The following COL26A1 variants were observed in gnomAD, a reference collection of about 807,000 sequenced individuals.
The protein encoded by COL26A1 is collagen type XXVI alpha 1 chain.
In COL26A1, 41 loss-of-function variants were observed where a neutral mutation model predicts 59.3. That is an observed-to-expected ratio of 0.69 (90% CI 0.54 to 0.90). COL26A1 has a LOEUF of 0.90. Ranked by LOEUF, COL26A1 falls within the 40% of genes least tolerant of loss-of-function variation. The pLI is 0.00. For missense variants in COL26A1, 612 were observed against 602.3 expected, an observed-to-expected ratio of 1.02 and a Z score of -0.17; for synonymous variants, 266 against 256.0, an observed-to-expected ratio of 1.04 and a Z score of -0.37.
intron 3 of COL26A1, among the ~76,000 whole-genome samples, chr7:101,488,718 G>T (rs921676483): frequency 1.1e-4 from 16 of 152,064 alleles, no homozygotes; most frequent in Admixed American, 9.8e-4. Flanking sequence ...GTTAGGTACC[G>T]TCACACTGTC....
chr7:101,440,975 CAAA>C (rs71891771), intron 2 of COL26A1, among the ~76,000 whole-genome samples: 5 of 100,372 alleles, frequency 5.0e-5, no homozygotes, highest in Admixed American at 1.2e-4. Context: ...GACTCCGTCT[CAAA>C]AAAAAAAAAA....
intron 3 of COL26A1, among the ~76,000 whole-genome samples, chr7:101,465,638 G>C (rs940374594): frequency 6.8e-6 from 1 of 147,320 alleles, no homozygotes; most frequent in African/African-American, 2.5e-5. Flanking sequence ...AGGTTGAAGT[G>C]AGCCGAGATC....
At chr7:101,457,377 C>G (rs1180437417) in intron 3 of COL26A1, among the ~76,000 whole-genome samples, 1 of 152,276 alleles carries the variant, frequency 6.6e-6, no homozygotes, top group East Asian at 1.9e-4. Context: ...TTATAGAAAC[C>G]ATGTCTACAT....
At chr7:101,554,181 C>T (rs1012353781) in intron 11 of COL26A1, among the ~76,000 whole-genome samples, 7 of 151,268 alleles carry the variant, frequency 4.6e-5, no homozygotes, top group African/African-American at 1.7e-4. Context: ...GAGATGGGGC[C>T]GGCAGGGGGG....
intron 3 of COL26A1, among the ~76,000 whole-genome samples, chr7:101,499,320 T>A (rs1186838120): frequency 6.6e-6 from 1 of 152,116 alleles, no homozygotes; most frequent in Admixed American, 6.6e-5. Flanking sequence ...GGTGGGAGGA[T>A]TACTTGAGCT....
rs144791456 is a variant in COL26A1, at chr7:101,408,942, C to T, written c.159-11035C>T. Reference sequence around the variant, plus strand: ...ATGGCCTCAAGAAGACAGACAGCCACGTGCCAAGACCCAGATCGTCTGGCT... The same window carrying T: ...ATGGCCTCAAGAAGACAGACAGCCATGTGCCAAGACCCAGATCGTCTGGCT... On this transcript the variant is annotated intron_variant, in intron 1 of 12. Transcript: ENST00000313669. Among the ~76,000 whole-genome samples the T allele has an allele frequency of 3.7e-3, 561 of 152,330 alleles. 1 individual carries two copies. Among genetic ancestry groups the T allele is most frequent in the African/African-American group, 0.013 (538 of 41,584 alleles).
At chr7:101,539,544 T>C (rs1795562613) in intron 4 of COL26A1, among the ~76,000 whole-genome samples, 1 of 152,034 alleles carries the variant, frequency 6.6e-6, no homozygotes, top group South Asian at 2.1e-4. Context: ...CCCAGGCTGG[T>C]CTCAAACTCC....
chr7:101,368,917 C>CA (rs959668673), intron 1 of COL26A1, among the ~76,000 whole-genome samples: 31 of 90,804 alleles, frequency 3.4e-4, no homozygotes, highest in African/African-American at 1.4e-3. Context: ...TGGCTCTTTC[C>CA]AAAAAAAAAA....
chr7:101,499,446 G>T (rs867171396), intron 3 of COL26A1, among the ~76,000 whole-genome samples: 48 of 152,312 alleles, frequency 3.2e-4, no homozygotes, highest in African/African-American at 9.4e-4. Context: ...ACTTTGGGAG[G>T]CCGAGGTGGG....
chr7:101,387,778 A>ATATTTT lies in COL26A1; in HGVS notation c.158+24589_158+24590insATTTTT, dbSNP rs773025730. Among the ~76,000 whole-genome samples the ATATTTT allele has an allele frequency of 3.1e-3, 262 of 84,766 alleles. 5 individuals carry two copies. The highest frequency in any genetic ancestry group is 0.012 in the African/African-American group (248 of 20,084). The allele number at this position is 84,766 out of a possible 152,430, so 55.6% of individuals were successfully genotyped here. A position where few individuals can be genotyped will look rare whatever the true frequency, so the allele number is the denominator to read the frequency against. ...TTTATATATATATATATATATATAT[A>ATATTTT]TTTTTTTTTAAGACAGAGTCTCACT... On this transcript the variant is annotated intron_variant, in intron 1 of 12. Coordinates refer to ENST00000313669, the MANE Select transcript of COL26A1 (RefSeq NM_001278563.3).
chr7:101,517,878 A>G (rs1795064499), intron 3 of COL26A1, among the ~76,000 whole-genome samples: 1 of 137,976 alleles, frequency 7.2e-6, no homozygotes, highest in Non-Finnish European at 1.5e-5. Flanking sequence ...CAGTGGTGCA[A>G]TCATAGCTCA....
Position 101,445,604 on chromosome 7 carries a change from C to T in COL26A1, c.282-2080C>T, listed in dbSNP as rs551911137. Among the ~76,000 whole-genome samples the T allele has an allele frequency of 1.7e-4, 26 of 150,610 alleles. No homozygotes were observed. In the East Asian group the frequency reaches 4.0e-3, roughly 23 times the overall value. ...AAAATTGGCCGGGCGTGGTGGCGGG[C>T]GCCTGTAGTCCCAGCTGCTTGGGAG... On this transcript the variant is annotated intron_variant, in intron 2 of 12. Transcript: ENST00000313669.
At chr7:101,395,757 C>T (rs1791841275) in intron 1 of COL26A1, among the ~76,000 whole-genome samples, 1 of 152,156 alleles carries the variant, frequency 6.6e-6, no homozygotes, top group Non-Finnish European at 1.5e-5. Context: ...GTGGCTCCTT[C>T]CACCTGAGGG....
intron 3 of COL26A1, among the ~76,000 whole-genome samples, chr7:101,520,325 C>G (rs1327313614): frequency 2.0e-5 from 3 of 152,150 alleles, no homozygotes; most frequent in Admixed American, 2.0e-4. Flanking sequence ...ACACAGGGTC[C>G]TTGGGGACCC....
intron 3 of COL26A1, among the ~76,000 whole-genome samples, chr7:101,482,197 G>A (rs755778368): frequency 1.5e-4 from 23 of 151,992 alleles, no homozygotes; most frequent in Non-Finnish European, 2.9e-4. Flanking sequence ...TAGTAGAGAC[G>A]GGGTTTTGCC....
intron 3 of COL26A1, among the ~76,000 whole-genome samples, chr7:101,488,353 TA>T (rs1563006387): frequency 1.2e-3 from 114 of 93,998 alleles, no homozygotes; most frequent in African/African-American, 5.3e-3. Context: ...TTATTTAATA[TA>T]TATATATATA....
intron 12 of COL26A1, among the ~76,000 whole-genome samples, chr7:101,556,664 T>A (rs1397991966): frequency 6.7e-6 from 1 of 149,160 alleles, no homozygotes; most frequent in African/African-American, 2.5e-5. Context: ...GATGGATGGA[T>A]GATGGATGAG....
At chr7:101,442,854 TGTGG>T (rs1239238207) in intron 2 of COL26A1, among the ~76,000 whole-genome samples, 2 of 152,150 alleles carry the variant, frequency 1.3e-5, no homozygotes, top group Admixed American at 1.3e-4. Flanking sequence ...TGAGTGCGTG[TGTGG>T]AAGTGTGCAC....
In COL26A1 at chr7:101,498,344, A is replaced by C. The variant is rs368095490; in HGVS notation, c.386-34738A>C. 1.8e-4 allele frequency among the ~76,000 whole-genome samples: 28 copies of C among 152,294 alleles called. No homozygotes were observed. The East Asian group carries it at 5.0e-3, about 27-fold the overall frequency. ...ATGTAACACAGAAAAAGTAAAGCCAAGGCTGCCCCTAGTGCTCAGTTCCTC... is the reference window on the plus strand; with the variant it reads ...ATGTAACACAGAAAAAGTAAAGCCACGGCTGCCCCTAGTGCTCAGTTCCTC... On this transcript the variant is annotated intron_variant, in intron 3 of 12. Coordinates refer to ENST00000313669, the MANE Select transcript of COL26A1 (RefSeq NM_001278563.3).
Sources: gnomAD v4.1 joint callset for allele counts (sites outside exome capture counted in the v4.1 genomes callset) on GRCh38, gnomAD v4.1.1 for gene constraint, MANE v1.5 for transcripts, NCBI Gene and HGNC (gene_info 2026-07-23, HGNC 2026-07-21) for gene names.